MGLL: variants seen among roughly 807,000 people sequenced by gnomAD.
MGLL encodes the protein monoglyceride lipase, also known as lysophospholipase homolog.
In MGLL, 7 loss-of-function variants were observed where a neutral mutation model predicts 29.1. That is an observed-to-expected ratio of 0.24 (90% CI 0.14 to 0.45). The LOEUF is 0.45. Among genes scored for constraint, MGLL ranks in the 20% least tolerant of loss-of-function variants. MGLL has a pLI of 0.99. For synonymous variants in MGLL, 148 were observed against 168.3 expected (o/e 0.88, Z 0.93); for missense variants, 356 against 413.6 (o/e 0.86, Z 1.21).
rs141313242 is a variant in MGLL at position 127,736,080 on chromosome 3, A to C, written c.263-13514T>G. On this transcript the variant is annotated intron_variant, in intron 3 of 7. Coordinates refer to ENST00000265052, the MANE Select transcript of MGLL (RefSeq NM_007283.7). ...GATCTGTTGTCCTCTGTGAGATTAC[A>C]GAAGTTCCCAAACAGTGCTAGTTCC... The C allele has an allele frequency of 7.1e-6, 9 of 1,271,630 alleles. No homozygotes were observed. In the South Asian group the frequency reaches 1.6e-4, roughly 23 times the overall value. 78.8% of individuals were successfully genotyped at this position (1,271,630 alleles called of 1,614,324 possible).
At position 127,691,741 on chromosome 3, in the gene MGLL, C is replaced by A; in HGVS notation, c.*457G>T. The stretch of plus-strand genomic sequence containing the variant: ...TGGCCCCTATGGAGACAGCAACCAC[C>A]TCATCACACGGCCAGAGGAAGGCCA... On this transcript the variant is annotated 3_prime_UTR_variant, in exon 8 of 8. Coordinates refer to ENST00000265052, the MANE Select transcript of MGLL (RefSeq NM_007283.7). 4.6e-6 allele frequency: 1 copy of A among 217,618 alleles called. No homozygotes were observed. 13.5% of individuals were successfully genotyped at this position (217,618 alleles called of 1,614,324 possible).
rs11433015 is a variant in MGLL at position 127,692,094 on chromosome 3, A to ATTTTT, written c.*99_*103dup. 3.1e-4 allele frequency: 219 copies of ATTTTT among 709,112 alleles called. 13 individuals carry two copies. Among genetic ancestry groups the ATTTTT allele is most frequent in the South Asian group, 7.1e-4 (43 of 60,924 alleles). 43.9% of individuals were successfully genotyped at this position (709,112 alleles called of 1,614,324 possible). Reference sequence around the variant, plus strand: ...GTGCTAAGGATTTCTCCAATTTCTGATTTTTTTTTTTTTTTTTTTTTGGCA... The same window carrying ATTTTT: ...GTGCTAAGGATTTCTCCAATTTCTGATTTTTTTTTTTTTTTTTTTTTTTTTTGGCA... On this transcript the variant is annotated 3_prime_UTR_variant, in exon 8 of 8. Coordinates refer to ENST00000265052, the MANE Select transcript of MGLL (RefSeq NM_007283.7).
intron 3 of MGLL, among the ~76,000 whole-genome samples, chr3:127,752,165 C>T (rs1040361770): frequency 2.0e-5 from 3 of 151,600 alleles, no homozygotes; most frequent in African/African-American, 7.3e-5. Context: ...TGGCCAGTGT[C>T]GGCTCATTGC....
At chr3:127,786,506 G>A (rs765347984) in intron 2 of MGLL, among the ~76,000 whole-genome samples, 9 of 152,206 alleles carry the variant, frequency 5.9e-5, no homozygotes, top group African/African-American at 1.4e-4. Context: ...TGGGAGGGGC[G>A]CCCAGCCCCA....
At chr3:127,717,677 G>C (rs1340602931) in intron 5 of MGLL, among the ~76,000 whole-genome samples, 1 of 152,122 alleles carries the variant, frequency 6.6e-6, no homozygotes, top group Non-Finnish European at 1.5e-5. Context: ...TTACTCTCCT[G>C]GTAGGCTGAG....
At chr3:127,742,689 G>A (rs1297049568) in intron 3 of MGLL, among the ~76,000 whole-genome samples, 1 of 151,700 alleles carries the variant, frequency 6.6e-6, no homozygotes, top group African/African-American at 2.4e-5. Context: ...TTTTCTTAAG[G>A]CAACCTGTTT....
At chr3:127,792,657 C>G (rs1487824481) in intron 2 of MGLL, among the ~76,000 whole-genome samples, 5 of 151,846 alleles carry the variant, frequency 3.3e-5, no homozygotes, top group African/African-American at 9.7e-5. Context: ...GAGACGAGAT[C>G]GCGCCATTGC....
intron 3 of MGLL, among the ~76,000 whole-genome samples, chr3:127,728,300 C>T (rs2076084419): frequency 6.6e-6 from 1 of 150,616 alleles, no homozygotes; most frequent in African/African-American, 2.4e-5. Flanking sequence ...AAGAAAACTA[C>T]CTGTTTATCC....
intron 3 of MGLL, among the ~76,000 whole-genome samples, chr3:127,733,178 G>A (rs947800390): frequency 2.6e-5 from 4 of 152,194 alleles, no homozygotes; most frequent in African/African-American, 9.7e-5. Flanking sequence ...GGCAACAACG[G>A]TGACCTCTGG....
At chr3:127,728,592 G>A (rs2076090130) in intron 3 of MGLL, among the ~76,000 whole-genome samples, 1 of 152,138 alleles carries the variant, frequency 6.6e-6, no homozygotes, top group South Asian at 2.1e-4. Context: ...CGCCCTGTGG[G>A]GGTGAACCAT....
At chr3:127,714,668 C>T (rs746034172) in intron 5 of MGLL, among the ~76,000 whole-genome samples, 16 of 152,160 alleles carry the variant, frequency 1.1e-4, no homozygotes, top group Non-Finnish European at 1.8e-4. Flanking sequence ...AATGCCACCC[C>T]AAGAACAGAA....
chr3:127,778,529 G>C (rs2077072568), intron 3 of MGLL, among the ~76,000 whole-genome samples: 1 of 152,212 alleles, frequency 6.6e-6, no homozygotes, highest in Non-Finnish European at 1.5e-5. Flanking sequence ...GGGTGTATTA[G>C]TGTCTGAGCC....
intron 3 of MGLL, among the ~76,000 whole-genome samples, chr3:127,760,034 T>C (rs367814020): frequency 2.2e-3 from 341 of 152,220 alleles, no homozygotes; most frequent in African/African-American, 7.8e-3. Flanking sequence ...GTTTTCTGCG[T>C]TGGAGAAAGG....
intron 3 of MGLL, among the ~76,000 whole-genome samples, chr3:127,729,052 GT>G (rs542063166): frequency 6.6e-6 from 1 of 152,012 alleles, no homozygotes; most frequent in Non-Finnish European, 1.5e-5. Context: ...TTTAGGAGCT[GT>G]TTGTATATTA....
chr3:127,694,307 ATG>A (rs2075309202), intron 7 of MGLL, among the ~76,000 whole-genome samples: 4 of 123,802 alleles, frequency 3.2e-5, no homozygotes, highest in Non-Finnish European at 6.9e-5. Context: ...ATATATATAT[ATG>A]TATGTGTGTA....
chr3:127,773,720 T>A (rs2076986873), intron 3 of MGLL, among the ~76,000 whole-genome samples: 1 of 152,130 alleles, frequency 6.6e-6, no homozygotes, highest in South Asian at 2.1e-4. Flanking sequence ...GACTCAGCCT[T>A]CCATTTCTAG....
At chr3:127,740,088 G>A (rs1014479367) in intron 3 of MGLL, among the ~76,000 whole-genome samples, 3 of 152,344 alleles carry the variant, frequency 2.0e-5, no homozygotes, top group African/African-American at 4.8e-5. Flanking sequence ...GGTCCAGCGT[G>A]GCCCAGTCTT....
intron 2 of MGLL, among the ~76,000 whole-genome samples, chr3:127,810,170 T>C (rs2077636552): frequency 6.6e-6 from 1 of 152,198 alleles, no homozygotes; most frequent in African/African-American, 2.4e-5. Context: ...AAGGTTGGTA[T>C]CTGTGAGCCA....
intron 2 of MGLL, among the ~76,000 whole-genome samples, chr3:127,812,096 G>C (rs1019584997): frequency 6.6e-6 from 1 of 152,222 alleles, no homozygotes; most frequent in Non-Finnish European, 1.5e-5. Context: ...ACGTAATCAG[G>C]ACGAAAGGAA....
Sources: allele counts gnomAD v4.1 joint callset (sites outside exome capture counted in the v4.1 genomes callset), GRCh38; gene constraint gnomAD v4.1.1; transcripts MANE v1.5; gene names NCBI Gene and HGNC (gene_info 2026-07-23, HGNC 2026-07-21).